Variants in PHLPP1 observed in about 807,000 individuals in gnomAD.
PHLPP1 encodes PH domain leucine-rich repeat-containing protein phosphatase 1.
In PHLPP1, 42 loss-of-function variants were observed where a neutral mutation model predicts 117.2. The observed-to-expected ratio is 0.36, with a 90% CI of 0.28 to 0.46. The LOEUF (loss-of-function observed/expected upper bound fraction) is 0.46, where lower values mean the gene tolerates loss of function less well. PHLPP1 is among the 20% of genes least tolerant of loss of function. PHLPP1 has a pLI of 1.00. For missense variants in PHLPP1, 2,084 were observed against 2,241.9 expected, an observed-to-expected ratio of 0.93 and a Z score of 1.42; for synonymous variants, 1,042 against 970.7, an observed-to-expected ratio of 1.07 and a Z score of -1.37.
At chr18:62,854,062 A>G (rs571850048) in intron 3 of PHLPP1, among the ~76,000 whole-genome samples, 1 of 152,358 alleles carries the variant, frequency 6.6e-6, no homozygotes, top group South Asian at 2.1e-4. Context: ...TCACGTTGCT[A>G]GTAAGTAGAA....
chr18:62,920,194 T>C (rs1156961120), intron 10 of PHLPP1, 80 bp downstream of exon 10: 4 of 1,294,246 alleles, frequency 3.1e-6, no homozygotes, highest in Non-Finnish European at 4.3e-6. Flanking sequence ...GACCTGAGAC[T>C]GTATAAACTT....
intron 13 of PHLPP1, among the ~76,000 whole-genome samples, chr18:62,960,342 CAAGAA>C (rs748449169): frequency 6.6e-6 from 1 of 151,960 alleles, no homozygotes; most frequent in Non-Finnish European, 1.5e-5. Context: ...GAGTAAGTCA[CAAGAA>C]AAGAAATCAG....
intron 2 of PHLPP1, among the ~76,000 whole-genome samples, chr18:62,835,266 C>T (rs1914861606): frequency 6.7e-6 from 1 of 150,210 alleles, no homozygotes; most frequent in African/African-American, 2.5e-5. Context: ...TGCAGTGGTG[C>T]ATTCTTGGTT....
intron 14 of PHLPP1, among the ~76,000 whole-genome samples, chr18:62,968,529 CTTTTTTTTTT>C (rs34849907): frequency 1.6e-3 from 84 of 51,776 alleles, no homozygotes; most frequent in African/African-American, 6.1e-3. Context: ...CATTATTAGG[CTTTTTTTTTT>C]TTTTTTTTTT....
chr18:62,977,847 C>T (rs753294431), intron 16 of PHLPP1, among the ~76,000 whole-genome samples: 6 of 152,170 alleles, frequency 3.9e-5, no homozygotes, highest in African/African-American at 9.7e-5. Flanking sequence ...ACACCCAGCC[C>T]GTCTGAGGGC....
intron 1 of PHLPP1, among the ~76,000 whole-genome samples, chr18:62,771,162 C>T (rs919658797): frequency 3.4e-5 from 5 of 147,368 alleles, no homozygotes; most frequent in South Asian, 2.1e-4. Flanking sequence ...TGCAGTGAGC[C>T]GAGATTGCGC....
intron 1 of PHLPP1, among the ~76,000 whole-genome samples, chr18:62,810,353 G>A (rs1914075820): frequency 6.6e-6 from 1 of 152,106 alleles, no homozygotes; most frequent in African/African-American, 2.4e-5. Flanking sequence ...AAGATTTAGT[G>A]ATTAAGTAAT....
intron 1 of PHLPP1, among the ~76,000 whole-genome samples, chr18:62,820,751 C>G (rs761746561): frequency 2.0e-5 from 3 of 152,196 alleles, no homozygotes; most frequent in Admixed American, 6.5e-5. Context: ...CAGTCTCAGG[C>G]AGTTTTTTAT....
At chr18:62,813,340 A>G (rs1009263769) in intron 1 of PHLPP1, among the ~76,000 whole-genome samples, 37 of 152,222 alleles carry the variant, frequency 2.4e-4, no homozygotes, top group African/African-American at 8.9e-4. Flanking sequence ...CTGAAGAATA[A>G]TTGTGATCTG....
intron 12 of PHLPP1, among the ~76,000 whole-genome samples, chr18:62,955,972 C>T (rs960962616): frequency 3.9e-5 from 6 of 152,086 alleles, no homozygotes; most frequent in East Asian, 1.9e-4. Flanking sequence ...CCAGTATTAT[C>T]GGGTATCAGT....
Position 62,979,539 on chromosome 18 carries a change from A to T in PHLPP1, c.*108A>T, listed in dbSNP as rs1022955353. ...TTTACTCCACATCCTTCCCCCAGAC[A>T]CTGTTCCCAACCTGTCATCGCAGCT... On this transcript the variant is annotated 3_prime_UTR_variant, in exon 17 of 17. Coordinates refer to ENST00000262719, the MANE Select transcript of PHLPP1 (RefSeq NM_194449.4). 7 of 1,218,592 alleles carry T rather than the reference A, an allele frequency of 5.7e-6. No homozygotes were observed. The South Asian group carries it at 6.3e-5, about 11-fold the overall frequency. The allele number at this position is 1,218,592 out of a possible 1,614,324, so 75.5% of individuals were successfully genotyped here.
At chr18:62,792,753 C>G (rs1750724080) in intron 1 of PHLPP1, among the ~76,000 whole-genome samples, 2 of 150,794 alleles carry the variant, frequency 1.3e-5, no homozygotes, top group South Asian at 4.2e-4. Flanking sequence ...TAGGTTGCAG[C>G]TACTTGGGAG....
intron 7 of PHLPP1, among the ~76,000 whole-genome samples, chr18:62,904,514 C>G (rs564601350): frequency 1.3e-5 from 2 of 152,242 alleles, no homozygotes; most frequent in African/African-American, 4.8e-5. Context: ...AACTTGTAGT[C>G]AAGATTACAT....
At chr18:62,943,146 T>C (rs1160237946) in intron 11 of PHLPP1, among the ~76,000 whole-genome samples, 1 of 152,138 alleles carries the variant, frequency 6.6e-6, no homozygotes. Flanking sequence ...CAGTGACCCG[T>C]GCCAGGTGTA....
In PHLPP1 at chr18:62,895,844, G is replaced by A. The variant is rs758195491; in HGVS notation, c.2277G>A (p.Met759Ile). The change falls in exon 6 of 17, where the codon ATG becomes ATA. Residue 759 changes from methionine (M) to isoleucine (I), a missense_variant. Around this residue, in one of 2 missense-constraint regions of PHLPP1, gnomAD observed 1,365 missense variants for 1,605.9 expected, o/e 0.85. Transcript: ENST00000262719. The stretch of plus-strand genomic sequence containing the variant: ...CCCTTCCTGCTGAGTTGGAGAACAT[G>A]AAGCAGCTTAGTTATCTGGGTCTTT... ...LQSLPAELEN[M>I]KQLSYLGLSF... 33 of 1,613,812 alleles carry A rather than the reference G, an allele frequency of 2.0e-5. No individual in the cohort carries two copies. The highest frequency in any genetic ancestry group is 2.6e-5 in the Non-Finnish European group (31 of 1,179,688).
At chr18:62,880,632 G>GAA (rs35112215) in intron 4 of PHLPP1, among the ~76,000 whole-genome samples, 1 of 149,350 alleles carries the variant, frequency 6.7e-6, no homozygotes, top group Non-Finnish European at 1.5e-5. Context: ...GTGAGAAAAT[G>GAA]AAAAAAAAAT....
At chr18:62,946,449 T>A (rs1434177651) in intron 12 of PHLPP1, among the ~76,000 whole-genome samples, 1 of 152,042 alleles carries the variant, frequency 6.6e-6, no homozygotes, top group Non-Finnish European at 1.5e-5. Context: ...TATTTTTTTG[T>A]AGAGACAGGG....
chr18:62,716,694 C>G lies in PHLPP1; in HGVS notation c.1011C>G (p.Pro337=). The G allele has an allele frequency of 6.8e-7, 1 of 1,474,812 alleles. No individual in the cohort carries two copies. The highest frequency in any genetic ancestry group is 9.0e-7 in the Non-Finnish European group (1 of 1,115,130). The allele number at this position is 1,474,812 out of a possible 1,614,324, so 91.4% of individuals were successfully genotyped here. A position where few individuals can be genotyped will look rare whatever the true frequency, so the allele number is the denominator to read the frequency against. The part of the protein sequence containing the change: ...EPFVGGPVSS[P]RAPRPVVSDT... ...TCGTTGGGGGCCCTGTCTCTTCGCC[C>G]CGCGCCCCACGGCCTGTGGTCTCCG... Residue 337 remains proline, a synonymous_variant, in exon 1 of 17, where the codon CCC becomes CCG. Coordinates refer to ENST00000262719, the MANE Select transcript of PHLPP1 (RefSeq NM_194449.4). This position sits in a 1 kb window ranked among gnomAD's most constrained non-coding sequence, Gnocchi z 5.7.
rs571730566 is a variant in PHLPP1, at chr18:62,716,960, C to T, written c.1277C>T (p.Pro426Leu). ...AAAGCCCCGAGGGCCATTGACAGCCCGGGCGGGGCCGTCCGCGAGGGGTCG... is the reference window on the plus strand; with the variant it reads ...AAAGCCCCGAGGGCCATTGACAGCCTGGGCGGGGCCGTCCGCGAGGGGTCG... ...QQKAPRAIDS[P>L]GGAVREGSCE... is the part of the protein sequence containing the mutation. The change falls in exon 1 of 17, where the codon CCG becomes CTG. Residue 426 changes from proline to leucine, a missense_variant. Physicochemically the swap from Pro to Leu is moderately conservative, Grantham distance 98 (BLOSUM62 -3). Transcript: ENST00000262719. The surrounding 1 kb of genome is among the most constrained non-coding windows in gnomAD (Gnocchi z 5.7). 723 of 1,538,892 alleles carry T rather than the reference C, an allele frequency of 4.7e-4. 5 individuals are homozygous for T. The highest frequency in any genetic ancestry group is 3.9e-3 in the South Asian group (327 of 83,914).
Sources: gnomAD v4.1 joint callset for allele counts (sites outside exome capture counted in the v4.1 genomes callset) on GRCh38, gnomAD v4.1.1 for gene constraint, gnomAD v4.1.1 regional missense constraint, Gnocchi (gnomAD v3.1) non-coding constraint, MANE v1.5 for transcripts, NCBI Gene and HGNC (gene_info 2026-07-23, HGNC 2026-07-21) for gene names.